PTPRG: variants seen among roughly 807,000 people sequenced by gnomAD.
PTPRG encodes receptor-type tyrosine-protein phosphatase gamma.
Under a neutral mutation model 165.3 loss-of-function variants are expected in PTPRG, and 102 were observed. That is an observed-to-expected ratio of 0.62 (90% CI 0.53 to 0.73). The LOEUF (loss-of-function observed/expected upper bound fraction) is 0.73. Among genes scored for constraint, PTPRG ranks in the 30% least tolerant of loss-of-function variants. The probability of loss-of-function intolerance (pLI) is 0.00; values close to 1 mark genes in which losing one functional copy is unlikely to be tolerated. For missense variants in PTPRG, 1,866 were observed against 1,861.4 expected, an observed-to-expected ratio of 1.00 and a Z score of -0.05; for synonymous variants, 675 against 669.5, an observed-to-expected ratio of 1.01 and a Z score of -0.13.
intron 2 of PTPRG, among the ~76,000 whole-genome samples, chr3:61,898,545 C>CAG (rs1383297631): frequency 9.2e-5 from 14 of 152,200 alleles, no homozygotes; most frequent in African/African-American, 2.7e-4. Context: ...ACATCAGAAT[C>CAG]ATCTGAGTTC....
At chr3:61,621,049 ATATGTGTGTGTG>A (rs1189211701) in intron 1 of PTPRG, among the ~76,000 whole-genome samples, 4 of 104,218 alleles carry the variant, frequency 3.8e-5, no homozygotes, top group Non-Finnish European at 6.4e-5. Context: ...ATATATATAT[ATATGTGTGTGTG>A]TGTGTGTGTG....
chr3:62,115,957 A>G (rs1296949958), intron 5 of PTPRG, among the ~76,000 whole-genome samples: 2 of 152,212 alleles, frequency 1.3e-5, no homozygotes, highest in South Asian at 4.1e-4. Context: ...AACTTTTTCA[A>G]TTACAGTAAT....
At chr3:61,706,212 A>G (rs942762002) in intron 1 of PTPRG, among the ~76,000 whole-genome samples, 4 of 152,156 alleles carry the variant, frequency 2.6e-5, no homozygotes, top group Non-Finnish European at 5.9e-5. Context: ...TGGGGGGGAA[A>G]AAAAAAAGAA....
chr3:62,068,294 C>T (rs1701087705), intron 4 of PTPRG, among the ~76,000 whole-genome samples: 1 of 152,058 alleles, frequency 6.6e-6, no homozygotes, highest in Admixed American at 6.5e-5. Flanking sequence ...CAGTGCCTGG[C>T]TCTTGTAATA....
chr3:62,039,541 T>C (rs1329591660), intron 4 of PTPRG, among the ~76,000 whole-genome samples: 2 of 152,206 alleles, frequency 1.3e-5, no homozygotes, highest in East Asian at 3.8e-4. Context: ...TCAAGGCCAG[T>C]CATGGGCTTG....
chr3:62,195,219 C>G lies in PTPRG; in HGVS notation c.1327+49C>G, dbSNP rs751312575. On this transcript the variant is annotated intron_variant, in intron 10 of 29. Coordinates refer to ENST00000474889, the MANE Select transcript of PTPRG (RefSeq NM_002841.4). This position sits in a 1 kb window ranked among gnomAD's most constrained non-coding sequence, Gnocchi z 4.4. ...GGCCGGGGTGCCCCTGAGACTCCCTCCCAATGCTTTCTGCTTCTTCCTGCT... is the reference window on the plus strand; with the variant it reads ...GGCCGGGGTGCCCCTGAGACTCCCTGCCAATGCTTTCTGCTTCTTCCTGCT... The G allele has an allele frequency of 4.0e-6, 6 of 1,489,212 alleles. No homozygotes were observed. The highest frequency in any genetic ancestry group is 1.4e-5 in the African/African-American group (1 of 72,044). 92.2% of individuals were successfully genotyped at this position (1,489,212 alleles called of 1,614,324 possible).
chr3:62,026,233 G>T (rs1252025009), intron 4 of PTPRG, among the ~76,000 whole-genome samples: 1 of 152,178 alleles, frequency 6.6e-6, no homozygotes, highest in African/African-American at 2.4e-5. Context: ...CCTTTGATTA[G>T]CCTTAGTCTT....
chr3:61,995,686 T>G (rs111999284), intron 3 of PTPRG, among the ~76,000 whole-genome samples: 3,418 of 19,222 alleles, frequency 0.18, 191 homozygotes, highest in African/African-American at 0.25. Flanking sequence ...CCGCCCGCCT[T>G]CCTTCCTTCC....
intron 8 of PTPRG, 86 bp from the exon 9 acceptor site, chr3:62,191,383 C>A: frequency 7.6e-7 from 1 of 1,317,820 alleles, no homozygotes; most frequent in Non-Finnish European, 1.0e-6. Context: ...ACTCTTTCAA[C>A]TTTTTGAGGC....
intron 2 of PTPRG, among the ~76,000 whole-genome samples, chr3:61,754,450 G>T (rs2033565396): frequency 6.6e-6 from 1 of 152,130 alleles, no homozygotes; most frequent in Non-Finnish European, 1.5e-5. Context: ...GTGTGTCTGG[G>T]CGTGTGTCTC....
chr3:62,124,216 T>C, intron 5 of PTPRG: 1 of 992,104 alleles, frequency 1.0e-6, no homozygotes, highest in South Asian at 1.3e-5. Context: ...AGCCACACAG[T>C]GCTTTCCTGT....
At chr3:61,648,096 C>T (rs1371478198) in intron 1 of PTPRG, among the ~76,000 whole-genome samples, 1 of 152,166 alleles carries the variant, frequency 6.6e-6, no homozygotes, top group Admixed American at 6.5e-5. Flanking sequence ...TTGATTAAAC[C>T]AGTCCTATGC....
chr3:61,637,850 C>T (rs1200747247), intron 1 of PTPRG, among the ~76,000 whole-genome samples: 2 of 152,144 alleles, frequency 1.3e-5, no homozygotes, highest in Non-Finnish European at 2.9e-5. Flanking sequence ...AGAACCTCAC[C>T]GACCAAGTGA....
intron 2 of PTPRG, among the ~76,000 whole-genome samples, chr3:61,849,910 T>G (rs1350786139): frequency 6.6e-6 from 1 of 152,194 alleles, no homozygotes; most frequent in Non-Finnish European, 1.5e-5. Flanking sequence ...GGACTAAATT[T>G]TTAAGGCTAC....
intron 11 of PTPRG, among the ~76,000 whole-genome samples, chr3:62,201,960 G>T (rs759249045): frequency 1.2e-4 from 18 of 152,084 alleles, no homozygotes; most frequent in Non-Finnish European, 2.2e-4. Context: ...CCCCATTCCT[G>T]GTTGGTATAA....
chr3:61,669,857 C>A (rs1247017662), intron 1 of PTPRG, among the ~76,000 whole-genome samples: 2 of 152,152 alleles, frequency 1.3e-5, no homozygotes, highest in African/African-American at 4.8e-5. Flanking sequence ...GGCTCACAGA[C>A]CAGACACGTG....
intron 4 of PTPRG, among the ~76,000 whole-genome samples, chr3:62,028,768 G>A (rs1699664219): frequency 6.6e-6 from 1 of 152,228 alleles, no homozygotes; most frequent in Non-Finnish European, 1.5e-5. Flanking sequence ...GACGGGGCTA[G>A]AAAGGAGACA....
intron 2 of PTPRG, among the ~76,000 whole-genome samples, chr3:61,821,938 C>G (rs910388672): frequency 6.6e-6 from 1 of 152,196 alleles, no homozygotes; most frequent in African/African-American, 2.4e-5. Context: ...CTGCCAAGTG[C>G]GTGCAGAAGC....
chr3:61,733,894 C>A (rs1341551327), intron 1 of PTPRG, among the ~76,000 whole-genome samples: 1 of 152,168 alleles, frequency 6.6e-6, no homozygotes, highest in Non-Finnish European at 1.5e-5. Context: ...GCCTGCCAGG[C>A]TCAAGCGGTC....
Sources: allele counts gnomAD v4.1 joint callset (sites outside exome capture counted in the v4.1 genomes callset), GRCh38; gene constraint gnomAD v4.1.1; non-coding constraint Gnocchi (gnomAD v3.1); transcripts MANE v1.5; gene names NCBI Gene and HGNC (gene_info 2026-07-23, HGNC 2026-07-21).